MAN2B1: variants seen among roughly 807,000 people sequenced by gnomAD.
MAN2B1 encodes the protein lysosomal alpha-mannosidase.
A neutral mutation model predicts 127.5 loss-of-function variants in MAN2B1; 99 were observed. The ratio of observed to expected loss-of-function variants is 0.78; its 90% confidence interval spans 0.66 to 0.92. MAN2B1 has a LOEUF of 0.92. Among genes scored for constraint, MAN2B1 ranks in the 40% least tolerant of loss-of-function variants. The pLI, the probability that MAN2B1 is intolerant of heterozygous loss-of-function variation, is 0.00. For synonymous variants in MAN2B1, 573 were observed against 568.8 expected, an observed-to-expected ratio of 1.01 and a Z score of -0.11; for missense variants, 1,304 against 1,384.8, an observed-to-expected ratio of 0.94 and a Z score of 0.93.
At chr19:12,654,143 C>T (rs773988175) in intron 14 of MAN2B1, among the ~76,000 whole-genome samples, 3 of 150,670 alleles carry the variant, frequency 2.0e-5, no homozygotes, top group Admixed American at 6.6e-5. Flanking sequence ...TCCGGGTTCA[C>T]GCCATTCTCC....
rs2145239589 is a variant in MAN2B1, at chr19:12,652,267, G to A, written c.1932C>T (p.Tyr644=). 10 of 1,613,814 alleles carry A rather than the reference G, an allele frequency of 6.2e-6. No homozygotes were observed. Among genetic ancestry groups the A allele is most frequent in the South Asian group, 1.1e-5 (1 of 91,076 alleles). ...TTTCGTTGTCACCTATACTGGCGTTGTACCTGGAGTTGGGGCAGGTGAGAG... is the reference window on the plus strand; with the variant it reads ...TTTCGTTGTCACCTATACTGGCGTTATACCTGGAGTTGGGGCAGGTGAGAG... ...LLPVRQTFFW[Y]NASIGDNESD... is the part of the protein sequence containing the mutation. Residue 644 remains tyrosine (Y), a synonymous_variant, in exon 16 of 24, where the codon TAC becomes TAT. Coordinates refer to ENST00000456935, the MANE Select transcript of MAN2B1 (RefSeq NM_000528.4).
Position 12,647,570 on chromosome 19 carries a change from G to A in MAN2B1, c.2693C>T (p.Pro898Leu), listed in dbSNP as rs1272182872. The change falls in exon 22 of 24, where the codon CCC becomes CTC. Residue 898 changes from proline (P) to leucine (L), a missense_variant. Physicochemically the swap from Pro to Leu is moderately conservative, Grantham distance 98 (BLOSUM62 -3). Coordinates refer to ENST00000456935, the MANE Select transcript of MAN2B1 (RefSeq NM_000528.4). This position sits in a 1 kb window ranked among gnomAD's most constrained non-coding sequence, Gnocchi z 4.9. ...QFSGLRRDLP[P>L]SVHLLTLASW... ...GGCCAGCGTGAGCAGGTGCACCGAG[G>A]GCGGCAGGTCCCTGCGCAGCCCTGA... 35 of 1,614,040 alleles carry A rather than the reference G, an allele frequency of 2.2e-5. No individual in the cohort carries two copies. Among genetic ancestry groups the A allele is most frequent in the Non-Finnish European group, 3.0e-5 (35 of 1,179,972 alleles).
chr19:12,661,543 C>T (rs1312767570), intron 6 of MAN2B1, among the ~76,000 whole-genome samples, 167 bp from the exon 7 acceptor site: 2 of 152,178 alleles, frequency 1.3e-5, no homozygotes, highest in Non-Finnish European at 2.9e-5. Flanking sequence ...AGTTGTTGAG[C>T]AGTTCTCTTG....
chr19:12,649,535 G>A, intron 18 of MAN2B1, 107 bp from the exon 19 acceptor site: 5 of 685,116 alleles, frequency 7.3e-6, no homozygotes, highest in South Asian at 6.5e-5. Flanking sequence ...AGGCTGGAGT[G>A]CAGTGGCGCG....
rs771478800 is a variant in MAN2B1, at chr19:12,665,772, C to T, written c.193G>A (p.Val65Met). 4 of 1,614,002 alleles carry T rather than the reference C, an allele frequency of 2.5e-6. No individual in the cohort carries two copies. Among genetic ancestry groups the T allele is most frequent in the East Asian group, 2.2e-5 (1 of 44,890 alleles). Reference sequence around the variant, plus strand: ...TCATGTGTGTGAGGCAGCAGGTGCACGTTCAGCATGTTCGGCTGCACTGTG... The same window carrying T: ...TCATGTGTGTGAGGCAGCAGGTGCATGTTCAGCATGTTCGGCTGCACTGTG... ...CPTVQPNMLN[V>M]HLLPHTHDDV... The change falls in exon 2 of 24, where the codon GTG becomes ATG. Residue 65 changes from valine to methionine, a missense_variant. Physicochemically the swap from Val to Met is conservative, Grantham distance 21 (BLOSUM62 1). Transcript: ENST00000456935.
chr19:12,661,418 C>T, intron 6 of MAN2B1, 42 bp from the exon 7 acceptor site: 1 of 1,308,148 alleles, frequency 7.6e-7, no homozygotes, highest in Non-Finnish European at 1.1e-6. Flanking sequence ...GGATCCTGGG[C>T]CATCCCTGTG....
chr19:12,658,597 A>T (rs2024032430), intron 7 of MAN2B1, 87 bp from the exon 8 acceptor site: 4 of 1,139,614 alleles, frequency 3.5e-6, no homozygotes, highest in Non-Finnish European at 3.9e-6. Flanking sequence ...ACATTCATGC[A>T]TCCCATAGGT....
rs757227842 is a variant in MAN2B1 at position 12,665,840 on chromosome 19, A to G, written c.160-35T>C. The G allele has an allele frequency of 4.3e-5, 67 of 1,546,530 alleles. No individual in the cohort carries two copies. The South Asian group carries it at 6.9e-4, about 16-fold the overall frequency. ...GACCCCAAACACACATACCTTGTCA[A>G]TAACCCCCGAGGTCGGGGGCTGCAG... On this transcript the variant is annotated intron_variant, in intron 1 of 23. Coordinates refer to ENST00000456935, the MANE Select transcript of MAN2B1 (RefSeq NM_000528.4).
chr19:12,665,549 C>T (rs201526614), intron 2 of MAN2B1, 24 bp from the exon 3 acceptor site: 2 of 1,613,942 alleles, frequency 1.2e-6, no homozygotes. Context: ...GGATAAGGCT[C>T]TCAGGGAACA....
intron 7 of MAN2B1, chr19:12,658,908 G>C: frequency 3.0e-6 from 1 of 329,126 alleles, no homozygotes; most frequent in South Asian, 2.5e-5. Context: ...CCAGGCTGTA[G>C]TGCAGTGGCT....
chr19:12,663,250 C>G, intron 6 of MAN2B1, 67 bp downstream of exon 6: 1 of 1,580,204 alleles, frequency 6.3e-7, no homozygotes, highest in Non-Finnish European at 8.7e-7. Context: ...TAGGGGATGC[C>G]TGTACCATGG....
At chr19:12,663,255 C>G in intron 6 of MAN2B1, 62 bp downstream of exon 6, 2 of 1,591,894 alleles carry the variant, frequency 1.3e-6, no homozygotes, top group Non-Finnish European at 1.7e-6. Context: ...GATGCCTGTA[C>G]CATGGAAAGA....
chr19:12,652,483 A>G, intron 14 of MAN2B1, 23 bp from the exon 15 acceptor site: 9 of 1,547,852 alleles, frequency 5.8e-6, no homozygotes, highest in Non-Finnish European at 8.0e-6. Flanking sequence ...GGGTCCACAG[A>G]TGGGTTTGTG....
In MAN2B1 at chr19:12,647,859, G is replaced by T. The variant is rs1459505698; in HGVS notation, c.2665-261C>A. Among the ~76,000 whole-genome samples, 1 of 151,864 alleles carries T rather than the reference G, an allele frequency of 6.6e-6. No individual in the cohort carries two copies. Among genetic ancestry groups the T allele is most frequent in the Non-Finnish European group, 1.5e-5 (1 of 67,900 alleles). ...CTGAGACTTTGGGAGTTACGGCGGG[G>T]CTGAAGCCGCGGGGCTGGGTGAGGC... On this transcript the variant is annotated intron_variant, in intron 21 of 23. Transcript: ENST00000456935. This position sits in a 1 kb window ranked among gnomAD's most constrained non-coding sequence, Gnocchi z 4.9.
At chr19:12,657,099 G>C (rs2023982028) in intron 11 of MAN2B1, 43 bp from the exon 12 acceptor site, 1 of 1,158,282 alleles carries the variant, frequency 8.6e-7, no homozygotes, top group South Asian at 1.3e-5. Flanking sequence ...AGGACGCCAG[G>C]CCTGACTCCT....
chr19:12,649,985 C>A lies in MAN2B1; in HGVS notation c.2195G>T (p.Arg732Leu). 2 of 1,614,050 alleles carry A rather than the reference C, an allele frequency of 1.2e-6. No individual in the cohort carries two copies. The highest frequency in any genetic ancestry group is 8.5e-7 in the Non-Finnish European group (1 of 1,180,028). The change falls in exon 18 of 24, where the codon CGT becomes CTT. Residue 732 changes from arginine to leucine, a missense_variant. Physicochemically the swap from Arg to Leu is moderately radical, Grantham distance 102 (BLOSUM62 -2). Coordinates refer to ENST00000456935, the MANE Select transcript of MAN2B1 (RefSeq NM_000528.4). ...GDTWGKEVIS[R>L]FDTPLETKGR... is the part of the protein sequence containing the mutation. Reference sequence around the variant, plus strand: ...CTTTGTCTCCAGCGGTGTGTCAAAACGGCTGATGACCTCCTTCCCCCAGGT... The same window carrying A: ...CTTTGTCTCCAGCGGTGTGTCAAAAAGGCTGATGACCTCCTTCCCCCAGGT...
intron 6 of MAN2B1, among the ~76,000 whole-genome samples, chr19:12,662,047 T>A: frequency 6.6e-6 from 1 of 152,068 alleles, no homozygotes; most frequent in African/African-American, 2.4e-5. Context: ...GTTTCGTCAT[T>A]TTGGCTATGC....
intron 13 of MAN2B1, 143 bp downstream of exon 13, chr19:12,656,428 C>T: frequency 1.5e-6 from 1 of 678,200 alleles, no homozygotes; most frequent in Non-Finnish European, 2.7e-6. Context: ...TATTAAGGGG[C>T]AGAGGGAGAA....
chr19:12,664,856 G>A lies in MAN2B1; in HGVS notation c.566C>T (p.Pro189Leu). 1 of 1,613,964 alleles carries A rather than the reference G, an allele frequency of 6.2e-7. No homozygotes were observed. The highest frequency in any genetic ancestry group is 1.1e-5 in the South Asian group (1 of 91,048). Residue 189 changes from proline (P) to leucine (L), a missense_variant, in exon 4 of 24, where the codon CCC becomes CTC. Physicochemically the swap from Pro to Leu is moderately conservative, Grantham distance 98 (BLOSUM62 -3). Coordinates refer to ENST00000456935, the MANE Select transcript of MAN2B1 (RefSeq NM_000528.4). ...LEDTFGNDGR[P>L]RVAWHIDPFG... is the part of the protein sequence containing the mutation. ...GGGGTCAATGTGCCAGGCCACACGG[G>A]GTCGCCCATCATTGCCAAATGTGTC...
Sources: gnomAD v4.1 joint callset for allele counts (sites outside exome capture counted in the v4.1 genomes callset) on GRCh38, gnomAD v4.1.1 for gene constraint, Gnocchi (gnomAD v3.1) non-coding constraint, MANE v1.5 for transcripts, NCBI Gene and HGNC (gene_info 2026-07-23, HGNC 2026-07-21) for gene names.